The following CCDC144A variants were observed in gnomAD, a reference collection of about 807,000 sequenced individuals.
The protein encoded by CCDC144A is coiled-coil domain-containing protein 144A.
In CCDC144A, 41 loss-of-function variants were observed where a neutral mutation model predicts 143.8. The ratio of observed to expected loss-of-function variants is 0.29; its 90% CI spans 0.22 to 0.37. The LOEUF (loss-of-function observed/expected upper bound fraction) is 0.37, where lower values mean the gene tolerates loss of function less well. CCDC144A is among the 10% of genes least tolerant of loss of function. The probability of loss-of-function intolerance (pLI) is 1.00; values close to 1 mark genes in which losing one functional copy is unlikely to be tolerated. For missense variants in CCDC144A, 637 were observed against 1,488.8 expected, an observed-to-expected ratio of 0.43 and a Z score of 9.41; for synonymous variants, 242 against 517.9, an observed-to-expected ratio of 0.47 and a Z score of 7.23.
intron 8 of CCDC144A, among the ~76,000 whole-genome samples, chr17:16,724,569 G>A (rs888324708): frequency 2.0e-5 from 3 of 150,420 alleles, no homozygotes; most frequent in East Asian, 1.9e-4. Flanking sequence ...TGTTTGGTAA[G>A]TGCTCACTGG....
chr17:16,750,055 C>T (rs1825169911), intron 12 of CCDC144A, among the ~76,000 whole-genome samples: 1 of 152,168 alleles, frequency 6.6e-6, no homozygotes, highest in Admixed American at 6.5e-5. Context: ...CAACTTGCCA[C>T]TCTGTGCCTT....
chr17:16,770,961 G>A (rs773469126), intron 15 of CCDC144A, among the ~76,000 whole-genome samples: 15 of 152,038 alleles, frequency 9.9e-5, no homozygotes, highest in Non-Finnish European at 2.1e-4. Flanking sequence ...TTATGGAAAG[G>A]AGTCTCAAAA....
At chr17:16,717,119 T>C (rs1438363349) in intron 6 of CCDC144A, among the ~76,000 whole-genome samples, 2 of 140,788 alleles carry the variant, frequency 1.4e-5, no homozygotes, top group Admixed American at 1.4e-4. Flanking sequence ...TTTTTTTTTT[T>C]CTTTTCTTTT....
intron 3 of CCDC144A, 135 bp downstream of exon 3, chr17:16,705,534 C>G (rs1912000504): frequency 7.1e-6 from 6 of 841,558 alleles, no homozygotes; most frequent in Admixed American, 5.1e-5. Flanking sequence ...GAACAGAATA[C>G]TTTTTGGCAG....
intron 8 of CCDC144A, among the ~76,000 whole-genome samples, chr17:16,726,100 C>T (rs1383897640): frequency 6.6e-5 from 10 of 152,152 alleles, no homozygotes; most frequent in East Asian, 3.9e-4. Flanking sequence ...ATCTTCCGGC[C>T]GGGCGCGGTG....
chr17:16,763,258 G>C (rs182995494), intron 14 of CCDC144A, among the ~76,000 whole-genome samples: 3 of 152,152 alleles, frequency 2.0e-5, no homozygotes, highest in African/African-American at 7.2e-5. Flanking sequence ...GATTGTCCTC[G>C]ATGCTGCTTT....
At chr17:16,667,226 C>T in the CCDC144A span, 2 of 204,290 alleles carry the variant, frequency 9.8e-6, no homozygotes, top group Non-Finnish European at 2.0e-5. Flanking sequence ...GCGGCGGGGG[C>T]GGCTGAGAGG....
intron 12 of CCDC144A, among the ~76,000 whole-genome samples, chr17:16,759,316 T>C (rs1214174392): frequency 6.6e-6 from 1 of 152,256 alleles, no homozygotes; most frequent in Non-Finnish European, 1.5e-5. Flanking sequence ...TAACCACCCC[T>C]GTAAGCCAAA....
chr17:16,725,638 G>T (rs1029768896), intron 8 of CCDC144A, among the ~76,000 whole-genome samples: 1 of 151,498 alleles, frequency 6.6e-6, no homozygotes, highest in African/African-American at 2.4e-5. Context: ...AAGAGTGGGA[G>T]GGGGGTGAGG....
intron 12 of CCDC144A, among the ~76,000 whole-genome samples, chr17:16,753,428 G>GTTTTTTTTTTTAT (rs1914897201): frequency 1.7e-5 from 1 of 57,376 alleles, no homozygotes; most frequent in Non-Finnish European, 3.2e-5. Flanking sequence ...GTGTTTTGTA[G>GTTTTTTTTTTTAT]TTTTTTTTTT....
chr17:16,689,591 C>G (rs1001013587), upstream of CCDC144A: 3 of 152,384 alleles, frequency 2.0e-5, no homozygotes, highest in Non-Finnish European at 2.9e-5. Flanking sequence ...CCCGACCCGC[C>G]CGGGTCGCCA....
intron 3 of CCDC144A, 141 bp from the exon 4 acceptor site, chr17:16,707,328 G>A: frequency 1.8e-6 from 1 of 564,670 alleles, no homozygotes; most frequent in South Asian, 2.7e-5. Flanking sequence ...AAAGAAGTAA[G>A]TATTCCACTA....
At chr17:16,742,698 C>T (rs1914313304) in intron 12 of CCDC144A, among the ~76,000 whole-genome samples, 1 of 152,138 alleles carries the variant, frequency 6.6e-6, no homozygotes, top group Admixed American at 6.5e-5. Context: ...TCTCCAACCT[C>T]GCCAGGATTT....
At chr17:16,745,023 AACCATTTTT>A (rs1914430813) in intron 12 of CCDC144A, among the ~76,000 whole-genome samples, 1 of 152,144 alleles carries the variant, frequency 6.6e-6, no homozygotes, top group African/African-American at 2.4e-5. Flanking sequence ...CAAAGACTGA[AACCATTTTT>A]ATCTGGTCAG....
At chr17:16,697,200 T>C (rs1911466208) in intron 2 of CCDC144A, among the ~76,000 whole-genome samples, 2 of 151,630 alleles carry the variant, frequency 1.3e-5, no homozygotes, top group South Asian at 4.2e-4. Context: ...GAGTGGGGAG[T>C]CACATGATTA....
chr17:16,767,098 C>A (rs1228913459), intron 15 of CCDC144A: 2 of 152,460 alleles, frequency 1.3e-5, no homozygotes, highest in Non-Finnish European at 2.9e-5. Flanking sequence ...AATTCAAGAC[C>A]AGCCTGGACA....
At chr17:16,761,891 A>G (rs1276024919) in intron 13 of CCDC144A, among the ~76,000 whole-genome samples, 173 bp downstream of exon 13, 3 of 152,260 alleles carry the variant, frequency 2.0e-5, no homozygotes, top group Admixed American at 6.5e-5. Context: ...CATCATTCTT[A>G]TAAGTAAATT....
At chr17:16,706,327 C>G (rs1912056951) in intron 3 of CCDC144A, 2 of 145,026 alleles carry the variant, frequency 1.4e-5, no homozygotes, top group South Asian at 4.6e-4. Context: ...GCAAATAAGA[C>G]CAGGGACCAC....
upstream of CCDC144A, among the ~76,000 whole-genome samples, chr17:16,686,102 T>TTTTTTTTTTTTTTTTC (rs1910773296): frequency 6.8e-6 from 1 of 147,088 alleles, no homozygotes; most frequent in Non-Finnish European, 1.5e-5. Flanking sequence ...TTTTTTTTTT[T>TTTTTTTTTTTTTTTTC]TTTTTTTTTT....
Sources: gnomAD v4.1 joint callset for allele counts (sites outside exome capture counted in the v4.1 genomes callset) on GRCh38, gnomAD v4.1.1 for gene constraint, MANE v1.5 for transcripts, NCBI Gene and HGNC (gene_info 2026-07-23, HGNC 2026-07-21) for gene names.